Variants in COBL observed in about 807,000 individuals in gnomAD.
COBL encodes protein cordon-bleu.
COBL carries 51 observed loss-of-function variants against 98.8 expected under a neutral mutation model. The observed-to-expected ratio is 0.52, with a 90% confidence interval of 0.41 to 0.65. COBL has a LOEUF of 0.65. Ranked by LOEUF, COBL falls within the 30% of genes least tolerant of loss-of-function variation. COBL has a pLI of 0.00. For missense variants in COBL, 1,617 were observed against 1,617.5 expected (o/e 1.00, Z 0.01); for synonymous variants, 634 against 651.7 (o/e 0.97, Z 0.41).
chr7:51,312,921 T>C (rs910161078), intron 1 of COBL, among the ~76,000 whole-genome samples: 1 of 152,194 alleles, frequency 6.6e-6, no homozygotes, highest in Admixed American at 6.5e-5. Flanking sequence ...TCTGAGACTA[T>C]GTGATATTGC....
chr7:51,093,902 A>G (rs1795040128), intron 6 of COBL, among the ~76,000 whole-genome samples: 1 of 151,652 alleles, frequency 6.6e-6, no homozygotes, highest in African/African-American at 2.4e-5. Flanking sequence ...ACCAAAAGAA[A>G]AAAAAAAAAA....
intron 1 of COBL, among the ~76,000 whole-genome samples, chr7:51,297,884 T>C (rs1387529747): frequency 3.3e-5 from 5 of 152,210 alleles, no homozygotes; most frequent in Admixed American, 6.5e-5. Context: ...ACCAAGTTGC[T>C]TTGGGAAAAG....
chr7:51,252,777 A>G (rs1382088476), intron 1 of COBL, among the ~76,000 whole-genome samples: 15 of 152,162 alleles, frequency 9.9e-5, no homozygotes, highest in Admixed American at 9.8e-4. Flanking sequence ...ATTCCAATGT[A>G]ATGGTTTTTT....
At position 51,016,710 on chromosome 7, in the gene COBL, C is replaced by T; in HGVS notation, c.*841G>A. Reference sequence around the variant, plus strand: ...TGACCCTCTGCAGGATTCCAGAAGGCTCCCAGTGAAGTCATCAGGCTCCGT... The same window carrying T: ...TGACCCTCTGCAGGATTCCAGAAGGTTCCCAGTGAAGTCATCAGGCTCCGT... On this transcript the variant is annotated 3_prime_UTR_variant, in exon 13 of 13. Transcript: ENST00000265136. 2.7e-6 allele frequency: 1 copy of T among 374,292 alleles called. No homozygotes were observed. The allele number at this position is 374,292 out of a possible 1,614,324, so 23.2% of individuals were successfully genotyped here.
chr7:51,260,377 A>G (rs888944239), intron 1 of COBL, among the ~76,000 whole-genome samples: 1 of 152,266 alleles, frequency 6.6e-6, no homozygotes, highest in East Asian at 1.9e-4. Flanking sequence ...TCATTCTTTC[A>G]TTCACTCAAA....
At chr7:51,251,401 G>A (rs1309988440) in intron 1 of COBL, among the ~76,000 whole-genome samples, 2 of 152,274 alleles carry the variant, frequency 1.3e-5, no homozygotes, top group South Asian at 2.1e-4. Flanking sequence ...CTGTGCTGTC[G>A]TTTCAGGACG....
chr7:51,224,075 C>T (rs977014743), intron 1 of COBL, among the ~76,000 whole-genome samples: 13 of 152,154 alleles, frequency 8.5e-5, no homozygotes, highest in African/African-American at 2.7e-4. Flanking sequence ...GTGTTCAGCA[C>T]AGTAACATGC....
intron 1 of COBL, 96 bp downstream of exon 1, chr7:51,316,497 G>GA: frequency 1.1e-6 from 1 of 944,570 alleles, no homozygotes; most frequent in Non-Finnish European, 1.4e-6. Flanking sequence ...TGGGGCGGCA[G>GA]AGAGGGCGCC....
At chr7:51,313,799 T>C (rs571012437) in intron 1 of COBL, among the ~76,000 whole-genome samples, 157 of 152,274 alleles carry the variant, frequency 1.0e-3, no homozygotes, top group South Asian at 2.1e-3. Flanking sequence ...ACAGATAAAG[T>C]AGAGAGTTAA....
intron 7 of COBL, among the ~76,000 whole-genome samples, chr7:51,066,905 G>T (rs1008329424): frequency 5.9e-5 from 9 of 152,234 alleles, no homozygotes; most frequent in Admixed American, 3.3e-4. Flanking sequence ...GGTTGATTTG[G>T]ATTTCTGCCC....
At chr7:51,141,674 G>T (rs1490373965) in intron 5 of COBL, among the ~76,000 whole-genome samples, 2 of 151,702 alleles carry the variant, frequency 1.3e-5, no homozygotes, top group Non-Finnish European at 2.9e-5. Flanking sequence ...GAATCGAGTG[G>T]GAGGGAAGAT....
chr7:51,206,929 C>G (rs1791791438), intron 2 of COBL, among the ~76,000 whole-genome samples: 1 of 152,194 alleles, frequency 6.6e-6, no homozygotes, highest in African/African-American at 2.4e-5. Flanking sequence ...CTCTGGAGAT[C>G]TGGTGTCTAA....
intron 1 of COBL, among the ~76,000 whole-genome samples, chr7:51,252,049 G>A (rs1041150990): frequency 1.2e-4 from 18 of 151,938 alleles, no homozygotes; most frequent in African/African-American, 4.4e-4. Flanking sequence ...AAACTTCCTC[G>A]ATGTCCTTAT....
chr7:51,023,339 A>G (rs1787128976), intron 12 of COBL, among the ~76,000 whole-genome samples: 1 of 152,256 alleles, frequency 6.6e-6, no homozygotes. Flanking sequence ...GAGATGGCAT[A>G]AAACTTGCCA....
chr7:51,306,615 C>T (rs903434359), intron 1 of COBL, among the ~76,000 whole-genome samples: 3 of 152,116 alleles, frequency 2.0e-5, no homozygotes, highest in South Asian at 2.1e-4. Context: ...AGTCTGGATT[C>T]GACTCCTTAC....
chr7:51,090,069 G>A (rs749617161), intron 6 of COBL, among the ~76,000 whole-genome samples: 6 of 151,090 alleles, frequency 4.0e-5, no homozygotes, highest in South Asian at 4.2e-4. Context: ...TTTATTTTTC[G>A]AGTTTTCAAT....
chr7:51,074,012 G>A (rs1320781595), intron 7 of COBL, among the ~76,000 whole-genome samples: 1 of 152,040 alleles, frequency 6.6e-6, no homozygotes, highest in African/African-American at 2.4e-5. Context: ...TATTACATGA[G>A]AGTAGCTTTA....
At position 51,028,543 on chromosome 7, in the gene COBL, G is replaced by T. The variant is rs138072195; in HGVS notation, c.2553C>A (p.Thr851=). ...GAGGCTTGAGAAATGTGACTTCTGT[G>T]GTGTGAGCTGCTGGCACCCTCACGT... ...MGHVRVPAAH[T]TEVTFLKPQR... Residue 851 remains threonine, a synonymous_variant, in exon 10 of 13, where the codon ACC becomes ACA. Coordinates refer to ENST00000265136, the MANE Select transcript of COBL (RefSeq NM_015198.5). 405 of 1,614,126 alleles carry T rather than the reference G, an allele frequency of 2.5e-4. No homozygotes were observed. The highest frequency in any genetic ancestry group is 3.3e-4 in the Non-Finnish European group (384 of 1,180,062).
intron 1 of COBL, among the ~76,000 whole-genome samples, chr7:51,247,850 C>T (rs981616865): frequency 7.9e-5 from 12 of 152,118 alleles, no homozygotes; most frequent in South Asian, 2.1e-4. Context: ...CAAGGCCAGG[C>T]GCAATGGCTC....
Sources: allele counts gnomAD v4.1 joint callset (sites outside exome capture counted in the v4.1 genomes callset), GRCh38; gene constraint gnomAD v4.1.1; transcripts MANE v1.5; gene names NCBI Gene and HGNC (gene_info 2026-07-23, HGNC 2026-07-21).